Variants in SHISA9 observed in about 807,000 individuals in gnomAD.
The protein encoded by SHISA9 is protein shisa-9.
A neutral mutation model predicts 38.0 loss-of-function variants in SHISA9; 13 were observed. The observed-to-expected ratio is 0.34, with a 90% CI of 0.22 to 0.54. SHISA9 has a LOEUF of 0.54. Among genes scored for constraint, SHISA9 ranks in the 20% least tolerant of loss-of-function variants. The pLI is 0.91. For synonymous variants in SHISA9, 275 were observed against 242.0 expected (o/e 1.14, Z -1.27); for missense variants, 538 against 575.8 (o/e 0.93, Z 0.67).
chr16:13,411,258 A>G, the SHISA9 span, among the ~76,000 whole-genome samples: 1 of 152,198 alleles, frequency 6.6e-6, no homozygotes, highest in African/African-American at 2.4e-5. Context: ...AAAAATGGGA[A>G]TGGCAGTTGA....
At chr16:12,956,166 T>G (rs771263728) in intron 2 of SHISA9, among the ~76,000 whole-genome samples, 5 of 152,152 alleles carry the variant, frequency 3.3e-5, no homozygotes, top group Non-Finnish European at 7.3e-5. Flanking sequence ...AAATGTGAAT[T>G]AAAGCCACAC....
chr16:12,939,714 C>T (rs1274068281), intron 2 of SHISA9, among the ~76,000 whole-genome samples: 1 of 152,186 alleles, frequency 6.6e-6, no homozygotes, highest in Non-Finnish European at 1.5e-5. Context: ...ACCTGCCTCT[C>T]CCTGTCTATT....
chr16:13,474,226 A>G, the SHISA9 span: 1 of 152,186 alleles, frequency 6.6e-6, no homozygotes, highest in Non-Finnish European at 1.5e-5. Context: ...GAATATTGGC[A>G]TGTAGCACTC....
the SHISA9 span, among the ~76,000 whole-genome samples, chr16:13,354,918 G>T: frequency 1.6e-4 from 24 of 152,092 alleles, 1 homozygote; most frequent in East Asian, 4.5e-3. Flanking sequence ...AGTAATGGGG[G>T]CTGTCTGTGA....
the SHISA9 span, among the ~76,000 whole-genome samples, chr16:13,276,407 C>T: frequency 1.3e-5 from 2 of 151,934 alleles, no homozygotes; most frequent in Admixed American, 6.6e-5. Flanking sequence ...CGTATAATGA[C>T]TTCTTTTCCT....
intron 2 of SHISA9, among the ~76,000 whole-genome samples, chr16:13,193,219 A>G (rs2050903836): frequency 6.6e-6 from 1 of 152,220 alleles, no homozygotes; most frequent in Admixed American, 6.5e-5. Flanking sequence ...TGATACTGTT[A>G]TAACATGCTG....
At chr16:13,358,410 G>C in the SHISA9 span, among the ~76,000 whole-genome samples, 1 of 152,128 alleles carries the variant, frequency 6.6e-6, no homozygotes, top group African/African-American at 2.4e-5. Flanking sequence ...AGGCTGTGCT[G>C]TGTGATGTTC....
intron 2 of SHISA9, among the ~76,000 whole-genome samples, chr16:13,165,805 G>T (rs966046910): frequency 2.6e-5 from 4 of 152,278 alleles, no homozygotes; most frequent in Non-Finnish European, 5.9e-5. Context: ...GTGGTTGGGG[G>T]TTTATCGAGC....
intron 2 of SHISA9, among the ~76,000 whole-genome samples, chr16:13,016,462 A>G (rs1160431458): frequency 6.6e-6 from 1 of 152,196 alleles, no homozygotes. Context: ...ACATACGTCC[A>G]AGTGGTTGGT....
At chr16:13,048,543 T>A (rs901627116) in intron 2 of SHISA9, among the ~76,000 whole-genome samples, 1 of 152,180 alleles carries the variant, frequency 6.6e-6, no homozygotes, top group African/African-American at 2.4e-5. Context: ...TGCCTCAGGC[T>A]CCTGAGTAGC....
intron 2 of SHISA9, among the ~76,000 whole-genome samples, chr16:13,070,154 GCACGCA>G (rs2073495665): frequency 6.7e-6 from 1 of 149,276 alleles, no homozygotes; most frequent in Non-Finnish European, 1.5e-5. Context: ...GTGTGTGTGT[GCACGCA>G]TGTGTCTGTG....
chr16:13,067,381 A>G (rs1021502078), intron 2 of SHISA9, among the ~76,000 whole-genome samples: 3 of 152,220 alleles, frequency 2.0e-5, no homozygotes, highest in Non-Finnish European at 4.4e-5. Flanking sequence ...TTCACTTTCT[A>G]GATGAGTGAT....
the SHISA9 span, among the ~76,000 whole-genome samples, chr16:13,555,932 C>A: frequency 6.6e-6 from 1 of 152,220 alleles, no homozygotes; most frequent in Admixed American, 6.5e-5. Flanking sequence ...AGATCTTACT[C>A]TATATGCTCA....
At chr16:13,021,327 A>G (rs934944314) in intron 2 of SHISA9, among the ~76,000 whole-genome samples, 7 of 152,270 alleles carry the variant, frequency 4.6e-5, no homozygotes, top group African/African-American at 1.4e-4. Flanking sequence ...CCCTAACCCC[A>G]ATACTCATGA....
the SHISA9 span, among the ~76,000 whole-genome samples, chr16:13,541,688 TC>T: frequency 6.2e-4 from 95 of 152,314 alleles, no homozygotes; most frequent in Non-Finnish European, 9.4e-4. Context: ...GGGGACAGAA[TC>T]CCTTTCACAA....
intron 1 of SHISA9, chr16:12,909,602 C>G (rs2141712046): frequency 1.0e-6 from 1 of 985,338 alleles, no homozygotes; most frequent in African/African-American, 1.7e-5. Flanking sequence ...TTGCACTGGC[C>G]CTTGTGTGGC....
chr16:13,192,365 C>G (rs2050893420), intron 2 of SHISA9, among the ~76,000 whole-genome samples: 2 of 151,784 alleles, frequency 1.3e-5, no homozygotes, highest in Admixed American at 1.3e-4. Flanking sequence ...AAATATGTAT[C>G]TAAAATAAAA....
the SHISA9 span, among the ~76,000 whole-genome samples, chr16:13,392,190 G>A: frequency 6.6e-6 from 1 of 152,102 alleles, no homozygotes; most frequent in Admixed American, 6.6e-5. Context: ...ATATTCTTAT[G>A]TTGAAGTCTT....
intron 2 of SHISA9, among the ~76,000 whole-genome samples, chr16:13,119,153 C>A (rs941712612): frequency 9.2e-5 from 14 of 152,172 alleles, no homozygotes; most frequent in African/African-American, 2.9e-4. Context: ...AGGCGTGAGC[C>A]ACCGCGCCTG....
Sources: gnomAD v4.1 joint callset for allele counts (sites outside exome capture counted in the v4.1 genomes callset) on GRCh38, gnomAD v4.1.1 for gene constraint, MANE v1.5 for transcripts, NCBI Gene and HGNC (gene_info 2026-07-23, HGNC 2026-07-21) for gene names.